Variants in DLC1 observed in about 807,000 individuals in gnomAD.
The protein encoded by DLC1 is DLC1 Rho GTPase activating protein.
Under a neutral mutation model 140.3 loss-of-function variants are expected in DLC1, and 54 were observed. The ratio of observed to expected loss-of-function variants is 0.38; its 90% CI spans 0.31 to 0.48. The LOEUF is 0.48. Ranked by LOEUF, DLC1 falls within the 20% of genes least tolerant of loss-of-function variation. The pLI, the probability that DLC1 is intolerant of heterozygous loss-of-function variation, is 0.96. For missense variants in DLC1, 2,536 were observed against 1,907.0 expected (o/e 1.33, Z -6.14); for synonymous variants, 986 against 728.1 (o/e 1.35, Z -5.70).
intron 5 of DLC1, among the ~76,000 whole-genome samples, chr8:13,144,945 T>C (rs1004237597): frequency 2.6e-5 from 4 of 152,158 alleles, no homozygotes; most frequent in Admixed American, 2.0e-4. Context: ...TTTTAAGCCA[T>C]TGCCTTGAAG....
intron 5 of DLC1, among the ~76,000 whole-genome samples, chr8:13,131,393 C>G (rs75929548): frequency 0.037 from 5,587 of 152,250 alleles, 241 homozygotes; most frequent in African/African-American, 0.11. Flanking sequence ...TTCTCCCGAG[C>G]TGCAATGTTT....
In DLC1 at chr8:13,500,035, G is replaced by T; in HGVS notation, c.37C>A (p.His13Asn). 6.2e-7 allele frequency: 1 copy of T among 1,613,958 alleles called. No individual in the cohort carries two copies. The highest frequency in any genetic ancestry group is 8.5e-7 in the Non-Finnish European group (1 of 1,179,894). ...GGCTGTCCCATCCAGTGGGTCACAT[G>T]TTCTTCCCAGCTTCTCTTTCTGATA... is the stretch of plus-strand genomic sequence containing the variant. ...VAIRKRSWEE[H>N]VTHWMGQPFN... The change falls in exon 2 of 18, where the codon CAT becomes AAT. Residue 13 changes from histidine (H) to asparagine (N), a missense_variant. Coordinates refer to ENST00000276297, the MANE Select transcript of DLC1 (RefSeq NM_182643.3).
At chr8:13,095,778 G>A (rs1417876980) in intron 10 of DLC1, 2 of 154,604 alleles carry the variant, frequency 1.3e-5, no homozygotes, top group East Asian at 1.9e-4. Context: ...TGATGAGATC[G>A]AAAGCATTTA....
chr8:13,356,089 C>CAAA (rs372991073), intron 4 of DLC1, among the ~76,000 whole-genome samples: 2,930 of 52,476 alleles, frequency 0.056, 356 homozygotes, highest in Middle Eastern at 0.18. Context: ...GACTCCATCT[C>CAAA]AAAAAAAAAA....
chr8:13,359,115 A>G (rs1183860599), intron 4 of DLC1, among the ~76,000 whole-genome samples: 1 of 151,938 alleles, frequency 6.6e-6, no homozygotes, highest in East Asian at 1.9e-4. Flanking sequence ...ATTTTTTCGT[A>G]TTTTTAGTAG....
At chr8:13,367,617 A>T (rs2117102295) in intron 4 of DLC1, among the ~76,000 whole-genome samples, 1 of 152,340 alleles carries the variant, frequency 6.6e-6, no homozygotes, top group Non-Finnish European at 1.5e-5. Flanking sequence ...AGTCTAGCAC[A>T]CTGAATCTTT....
intron 2 of DLC1, among the ~76,000 whole-genome samples, chr8:13,427,787 C>T (rs929947271): frequency 1.3e-5 from 2 of 152,206 alleles, no homozygotes; most frequent in African/African-American, 2.4e-5. Flanking sequence ...TAAACCTTTA[C>T]ATTGCATGCT....
At chr8:13,539,833 A>G (rs1362547132) in intron 1 of DLC1, among the ~76,000 whole-genome samples, 1 of 152,066 alleles carries the variant, frequency 6.6e-6, no homozygotes, top group African/African-American at 2.4e-5. Flanking sequence ...TTATTTCTAA[A>G]TATTGAGAAG....
chr8:13,256,895 A>T (rs1830252717), intron 5 of DLC1, among the ~76,000 whole-genome samples: 1 of 152,040 alleles, frequency 6.6e-6, no homozygotes, highest in Admixed American at 6.5e-5. Flanking sequence ...AAAAAAAAAA[A>T]AAAAGGCAGA....
At chr8:13,173,711 C>A (rs771520067) in intron 5 of DLC1, among the ~76,000 whole-genome samples, 8 of 152,162 alleles carry the variant, frequency 5.3e-5, no homozygotes, top group Admixed American at 2.0e-4. Flanking sequence ...AAGGATAAAG[C>A]TATTTAGTTG....
At chr8:13,603,116 A>C (rs762950958) in intron 1 of DLC1, among the ~76,000 whole-genome samples, 3 of 151,904 alleles carry the variant, frequency 2.0e-5, no homozygotes, top group South Asian at 4.1e-4. Flanking sequence ...TAAAGTTTAG[A>C]ATATTATCTT....
At chr8:13,183,282 C>T (rs1343722665) in intron 5 of DLC1, among the ~76,000 whole-genome samples, 1 of 152,204 alleles carries the variant, frequency 6.6e-6, no homozygotes, top group African/African-American at 2.4e-5. Context: ...TTGACTTCCT[C>T]ATTCCCTAAT....
intron 5 of DLC1, among the ~76,000 whole-genome samples, chr8:13,234,663 G>C (rs1005631205): frequency 6.6e-6 from 1 of 151,980 alleles, no homozygotes; most frequent in Non-Finnish European, 1.5e-5. Flanking sequence ...CTTGTCTAGG[G>C]TTCTACTTGA....
chr8:13,533,421 T>G (rs954700178), intron 1 of DLC1, among the ~76,000 whole-genome samples: 1 of 152,166 alleles, frequency 6.6e-6, no homozygotes, highest in East Asian at 1.9e-4. Flanking sequence ...AATAACTTAT[T>G]TGGACCCCAG....
At chr8:13,509,472 A>G (rs1239904949) in intron 1 of DLC1, among the ~76,000 whole-genome samples, 1 of 152,184 alleles carries the variant, frequency 6.6e-6, no homozygotes, top group Admixed American at 6.5e-5. Flanking sequence ...TATGTCATCT[A>G]CCTATAAATG....
At position 13,387,808 on chromosome 8, in the gene DLC1, C is replaced by T. The variant is rs748657795; in HGVS notation, c.1314+5745G>A. On this transcript the variant is annotated intron_variant, in intron 4 of 17. Coordinates refer to ENST00000276297, the MANE Select transcript of DLC1 (RefSeq NM_182643.3). ...TGCAATGATCCATTAGGAAATAAAC[C>T]CAAATGTCAATGTACCTGCAGCATA... is the stretch of plus-strand genomic sequence containing the variant. 1.3e-5 allele frequency among the ~76,000 whole-genome samples: 2 copies of T among 151,700 alleles called. 1 individual carries two copies. The highest frequency in any genetic ancestry group is 4.2e-4 in the South Asian group (2 of 4,816).
chr8:13,205,345 G>T (rs1827605636), intron 5 of DLC1, among the ~76,000 whole-genome samples: 1 of 152,090 alleles, frequency 6.6e-6, no homozygotes, highest in African/African-American at 2.4e-5. Flanking sequence ...TTTAAGCTTT[G>T]CAAATATTTA....
intron 2 of DLC1, among the ~76,000 whole-genome samples, chr8:13,458,613 A>G (rs1402171246): frequency 1.3e-5 from 2 of 152,224 alleles, no homozygotes; most frequent in Admixed American, 6.5e-5. Context: ...ATCTGATAGT[A>G]AGTCACTACT....
chr8:13,453,398 A>G (rs1448668967), intron 2 of DLC1, among the ~76,000 whole-genome samples: 2 of 35,292 alleles, frequency 5.7e-5, no homozygotes, highest in African/African-American at 2.4e-4. Context: ...ATATATATAT[A>G]TATGTGTATA....
Sources: gnomAD v4.1 joint callset for allele counts (sites outside exome capture counted in the v4.1 genomes callset) on GRCh38, gnomAD v4.1.1 for gene constraint, MANE v1.5 for transcripts, NCBI Gene and HGNC (gene_info 2026-07-23, HGNC 2026-07-21) for gene names.